The following OXR1 variants were observed in gnomAD, a reference collection of about 807,000 sequenced individuals.
OXR1 encodes the protein oxidation resistance protein 1.
Under a neutral mutation model 104.6 loss-of-function variants are expected in OXR1, and 41 were observed. The ratio of observed to expected loss-of-function variants is 0.39; its 90% CI spans 0.31 to 0.51. The LOEUF is 0.51. OXR1 is among the 20% of genes least tolerant of loss of function. The pLI, the probability that OXR1 is intolerant of heterozygous loss-of-function variation, is 0.77. For synonymous variants in OXR1, 348 were observed against 348.4 expected, an observed-to-expected ratio of 1.00 and a Z score of 0.01; for missense variants, 955 against 1,031.9, an observed-to-expected ratio of 0.93 and a Z score of 1.02.
At chr8:106,536,777 G>C (rs78099944) in intron 3 of OXR1, among the ~76,000 whole-genome samples, 7,491 of 152,196 alleles carry the variant, frequency 0.049, 207 homozygotes, top group Middle Eastern at 0.068. Context: ...AATGCTTTAA[G>C]ATTCTGAGAC....
chr8:106,557,484 G>T (rs1431652426), intron 3 of OXR1, among the ~76,000 whole-genome samples: 2 of 152,036 alleles, frequency 1.3e-5, no homozygotes, highest in Non-Finnish European at 2.9e-5. Flanking sequence ...GTATATCTGA[G>T]CTACAAAATT....
chr8:106,277,368 C>T (rs528380085), intron 1 of OXR1, among the ~76,000 whole-genome samples: 1 of 152,250 alleles, frequency 6.6e-6, no homozygotes, highest in South Asian at 2.1e-4. Flanking sequence ...TGTGATGATT[C>T]GGTGACATAA....
At chr8:106,494,075 T>C (rs2510832) in intron 2 of OXR1, among the ~76,000 whole-genome samples, 24,428 of 152,114 alleles carry the variant, frequency 0.16, 2,227 homozygotes, top group African/African-American at 0.24. Context: ...ATTGTAAGCA[T>C]GTTATTATTA....
At chr8:106,489,683 T>A (rs906256917) in intron 2 of OXR1, among the ~76,000 whole-genome samples, 15 of 152,174 alleles carry the variant, frequency 9.9e-5, no homozygotes, top group Admixed American at 3.3e-4. Flanking sequence ...TTTAAAAAAA[T>A]TTCAAAAACT....
At chr8:106,391,396 T>TA (rs5893787) in intron 2 of OXR1, among the ~76,000 whole-genome samples, 97,734 of 151,922 alleles carry the variant, frequency 0.64, 31,662 homozygotes, top group Middle Eastern at 0.67. Context: ...TGTGGTAGTA[T>TA]AAAATAATAA....
chr8:106,606,360 G>T (rs571871281), intron 3 of OXR1, among the ~76,000 whole-genome samples: 1 of 151,910 alleles, frequency 6.6e-6, no homozygotes, highest in South Asian at 2.1e-4. Flanking sequence ...GAGTGCAGTG[G>T]TGTAATCTCG....
intron 2 of OXR1, among the ~76,000 whole-genome samples, chr8:106,460,461 C>T (rs1311319103): frequency 6.6e-6 from 1 of 152,136 alleles, no homozygotes; most frequent in African/African-American, 2.4e-5. Context: ...CTACTTCCTA[C>T]TATTCCATTG....
At chr8:106,512,982 C>T (rs972415505) in intron 2 of OXR1, among the ~76,000 whole-genome samples, 1 of 152,062 alleles carries the variant, frequency 6.6e-6, no homozygotes, top group East Asian at 1.9e-4. Context: ...TGGCGTTTGC[C>T]CTGGGCTTTG....
intron 1 of OXR1, among the ~76,000 whole-genome samples, chr8:106,355,165 A>G (rs2130320764): frequency 6.6e-6 from 1 of 152,242 alleles, no homozygotes; most frequent in African/African-American, 2.4e-5. Context: ...ATATTTTAAA[A>G]TGTTTCCTCT....
intron 2 of OXR1, among the ~76,000 whole-genome samples, chr8:106,453,693 A>G (rs1440880950): frequency 3.3e-5 from 5 of 152,212 alleles, no homozygotes; most frequent in African/African-American, 7.2e-5. Context: ...GTGGCATCCA[A>G]TTATAATACA....
At chr8:106,415,960 CT>C (rs1253216538) in intron 2 of OXR1, among the ~76,000 whole-genome samples, 4 of 152,042 alleles carry the variant, frequency 2.6e-5, no homozygotes, top group Non-Finnish European at 5.9e-5. Context: ...TGGGCTTTTG[CT>C]CATTCCACAA....
intron 11 of OXR1, among the ~76,000 whole-genome samples, chr8:106,736,205 C>T (rs900182126): frequency 7.0e-6 from 1 of 142,724 alleles, no homozygotes; most frequent in Non-Finnish European, 1.5e-5. Flanking sequence ...AGAATAACAG[C>T]TTCTGGTTTC....
chr8:106,530,832 GA>G (rs375201955), intron 3 of OXR1, among the ~76,000 whole-genome samples: 55 of 150,688 alleles, frequency 3.6e-4, no homozygotes, highest in African/African-American at 1.2e-3. Context: ...AGTACAATAT[GA>G]AAAAAAAATC....
chr8:106,592,705 AC>A (rs1819192700), intron 3 of OXR1, among the ~76,000 whole-genome samples: 2 of 152,190 alleles, frequency 1.3e-5, no homozygotes, highest in African/African-American at 4.8e-5. Flanking sequence ...ATATGATTGT[AC>A]TAAAGGAGCA....
At position 106,526,709 on chromosome 8, in the gene OXR1, A is replaced by AT. The variant is rs569981644; in HGVS notation, c.220+7577dup. Among the ~76,000 whole-genome samples the AT allele has an allele frequency of 2.6e-5, 4 of 152,066 alleles. No homozygotes were observed. The South Asian group carries it at 6.2e-4, about 24-fold the overall frequency. ...AGGCGTCCGCCACCACGCCCGGCTA[A>AT]TTTTTTTGTATTTTTAGTAGAGACA... On this transcript the variant is annotated intron_variant, in intron 3 of 16. Coordinates refer to ENST00000517566, the MANE Select transcript of OXR1 (RefSeq NM_001198533.2).
intron 1 of OXR1, among the ~76,000 whole-genome samples, chr8:106,339,550 A>ATATATATATT (rs1815150749): frequency 7.7e-6 from 1 of 129,600 alleles, no homozygotes; most frequent in South Asian, 2.5e-4. Context: ...ATATATATAT[A>ATATATATATT]TATATAAAAC....
At chr8:106,554,119 T>G (rs1235653346) in intron 3 of OXR1, among the ~76,000 whole-genome samples, 1 of 152,324 alleles carries the variant, frequency 6.6e-6, no homozygotes, top group Admixed American at 6.5e-5. Flanking sequence ...GTTCTCAAAC[T>G]TAACATTAGA....
intron 1 of OXR1, among the ~76,000 whole-genome samples, chr8:106,284,592 A>G (rs199937692): frequency 1.3e-5 from 2 of 152,288 alleles, no homozygotes; most frequent in East Asian, 3.9e-4. Flanking sequence ...AACATAATGG[A>G]CATGATACAT....
intron 2 of OXR1, among the ~76,000 whole-genome samples, chr8:106,474,012 TACACACAC>T (rs199751152): frequency 0.13 from 17,876 of 137,364 alleles, 1,356 homozygotes; most frequent in East Asian, 0.27. Flanking sequence ...TGTATATTTA[TACACACAC>T]ACACACACAC....
Sources: allele counts gnomAD v4.1 joint callset (sites outside exome capture counted in the v4.1 genomes callset), GRCh38; gene constraint gnomAD v4.1.1; transcripts MANE v1.5; gene names NCBI Gene and HGNC (gene_info 2026-07-23, HGNC 2026-07-21).